Variants in ROS1 observed in about 807,000 individuals in gnomAD.
The protein encoded by ROS1 is ROS proto-oncogene 1, receptor tyrosine kinase, also known as proto-oncogene tyrosine-protein kinase ROS.
A neutral mutation model predicts 273.5 loss-of-function variants in ROS1; 263 were observed. The observed-to-expected ratio is 0.96, with a 90% CI of 0.87 to 1.06. The LOEUF is 1.06. Among genes scored for constraint, ROS1 ranks in the 50% least tolerant of loss-of-function variants. ROS1 has a pLI of 0.00. For missense variants in ROS1, 2,833 were observed against 2,751.1 expected (o/e 1.03, Z -0.67); for synonymous variants, 1,008 against 954.1 (o/e 1.06, Z -1.04).
rs1773517819 is a variant in ROS1 at position 117,287,390 on chromosome 6, T to C, written c.*1102A>G. The stretch of plus-strand genomic sequence containing the variant: ...AATCATTTATATTTAATTTTAAGCA[T>C]AATTTGATACAAAATGTAATCTTAA... On this transcript the variant is annotated 3_prime_UTR_variant, in exon 44 of 44. Coordinates refer to ENST00000368507, the MANE Select transcript of ROS1 (RefSeq NM_001378902.1). 6.6e-6 allele frequency among the ~76,000 whole-genome samples: 1 copy of C among 152,236 alleles called. No individual in the cohort carries two copies. Among genetic ancestry groups the C allele is most frequent in the African/African-American group, 2.4e-5 (1 of 41,466 alleles).
chr6:117,364,976 T>C (rs1780088629), intron 21 of ROS1, 84 bp downstream of exon 21: 1 of 1,359,170 alleles, frequency 7.4e-7, no homozygotes, highest in South Asian at 1.3e-5. Context: ...TGAAAGTTAT[T>C]TTTAAATATC....
chr6:117,380,951 A>T (rs1772079388), intron 17 of ROS1, among the ~76,000 whole-genome samples: 1 of 152,098 alleles, frequency 6.6e-6, no homozygotes, highest in Non-Finnish European at 1.5e-5. Flanking sequence ...ACTGTATTTC[A>T]TTATGTCGGC....
intron 22 of ROS1, among the ~76,000 whole-genome samples, chr6:117,361,486 T>C (rs564867534): frequency 1.2e-3 from 183 of 148,668 alleles, no homozygotes; most frequent in African/African-American, 4.4e-3. Flanking sequence ...CTCATACATA[T>C]CCATGCATAT....
intron 29 of ROS1, among the ~76,000 whole-genome samples, 175 bp from the exon 30 acceptor site, chr6:117,341,807 C>T (rs926619289): frequency 6.6e-6 from 1 of 152,170 alleles, no homozygotes; most frequent in African/African-American, 2.4e-5. Flanking sequence ...GCCTAAAAGG[C>T]TCCCACTTAT....
At chr6:117,330,064 T>C (rs957706144) in intron 32 of ROS1, among the ~76,000 whole-genome samples, 1 of 152,166 alleles carries the variant, frequency 6.6e-6, no homozygotes. Context: ...CCTAACACGC[T>C]AATCTCCCTG....
chr6:117,397,292 C>A (rs766380388), intron 7 of ROS1, among the ~76,000 whole-genome samples, 176 bp from the exon 8 acceptor site: 2 of 151,942 alleles, frequency 1.3e-5, no homozygotes, highest in Non-Finnish European at 2.9e-5. Context: ...AACCAGTTCG[C>A]TCCTTTCCCA....
At chr6:117,314,778 G>T (rs1365667658) in intron 39 of ROS1, among the ~76,000 whole-genome samples, 1 of 152,114 alleles carries the variant, frequency 6.6e-6, no homozygotes, top group East Asian at 1.9e-4. Context: ...TGGTTAAACT[G>T]GCATATGTCA....
At chr6:117,388,391 T>TA (rs996035914) in intron 13 of ROS1, among the ~76,000 whole-genome samples, 64 of 151,572 alleles carry the variant, frequency 4.2e-4, no homozygotes, top group African/African-American at 1.1e-3. Context: ...GCCCAATCAA[T>TA]AAAAAAAAAT....
intron 12 of ROS1, among the ~76,000 whole-genome samples, chr6:117,390,363 G>A (rs1772969554): frequency 6.6e-6 from 1 of 152,062 alleles, no homozygotes; most frequent in African/African-American, 2.4e-5. Context: ...CTGGGCTCAA[G>A]TGATCTGCAC....
intron 42 of ROS1, among the ~76,000 whole-genome samples, chr6:117,306,108 C>A (rs1775081057): frequency 6.8e-6 from 1 of 146,248 alleles, no homozygotes; most frequent in Non-Finnish European, 1.5e-5. Flanking sequence ...ATATTAAAGA[C>A]TTTGAATTCA....
chr6:117,309,099 G>C (rs547813760), intron 41 of ROS1, among the ~76,000 whole-genome samples, 171 bp from the exon 42 acceptor site: 1 of 152,262 alleles, frequency 6.6e-6, no homozygotes, highest in South Asian at 2.1e-4. Flanking sequence ...AGAAAAAGTA[G>C]AACAAGACAC....
intron 35 of ROS1, among the ~76,000 whole-genome samples, chr6:117,324,018 C>T (rs1208387304): frequency 6.6e-6 from 1 of 152,112 alleles, no homozygotes; most frequent in Non-Finnish European, 1.5e-5. Flanking sequence ...AGCCACAAAA[C>T]ATTTGTATGC....
chr6:117,362,024 G>A (rs183167572), intron 22 of ROS1, among the ~76,000 whole-genome samples: 76 of 152,144 alleles, frequency 5.0e-4, no homozygotes, highest in African/African-American at 1.8e-3. Context: ...CCAAATGTAT[G>A]TACAACTATA....
At position 117,397,055 on chromosome 6, in the gene ROS1, G is replaced by A. The variant is rs61729672; in HGVS notation, c.666C>T (p.Val222=). ...CTGGGAATTGAGGTGGATCCCAGCT[G>A]ACTTCCACAGTGTCGGGACTTGAGC... ...IESSSPDTVE[V]SWDPPQFPGG... The change falls in exon 8 of 44, where the codon GTC becomes GTT. Residue 222 remains valine, a synonymous_variant. Coordinates refer to ENST00000368507, the MANE Select transcript of ROS1 (RefSeq NM_001378902.1). The A allele has an allele frequency of 9.8e-4, 1,583 of 1,613,912 alleles. 8 individuals are homozygous for A. The African/African-American group carries it at 0.017, about 18-fold the overall frequency.
intron 42 of ROS1, among the ~76,000 whole-genome samples, chr6:117,307,201 C>G (rs3777955): frequency 2.0e-5 from 3 of 151,946 alleles, no homozygotes; most frequent in South Asian, 2.1e-4. Context: ...TTGTTATTAA[C>G]CCCCCTGCCC....
intron 43 of ROS1, among the ~76,000 whole-genome samples, chr6:117,300,446 T>TA (rs1482407348): frequency 6.6e-6 from 1 of 151,946 alleles, no homozygotes; most frequent in African/African-American, 2.4e-5. Context: ...ATTCATTCAT[T>TA]AAAAAAATAC....
intron 36 of ROS1, among the ~76,000 whole-genome samples, chr6:117,320,479 A>G (rs1776218403): frequency 6.6e-6 from 1 of 152,180 alleles, no homozygotes; most frequent in South Asian, 2.1e-4. Flanking sequence ...GACCAAAAAA[A>G]TCAACCCCAT....
In ROS1 at chr6:117,326,337, C is replaced by G. The variant is rs374557840; in HGVS notation, c.5426G>C (p.Cys1809Ser). The change falls in exon 34 of 44, where the codon TGC becomes TCC. Residue 1809 changes from cysteine (C) to serine (S), a missense_variant. Cys to Ser is a moderately radical substitution (Grantham distance 112). Coordinates refer to ENST00000368507, the MANE Select transcript of ROS1 (RefSeq NM_001378902.1). ...MTFNGSCSSV[C>S]TWKSKNLKGI... The stretch of plus-strand genomic sequence containing the variant: ...TTTCAGGTTTTTGGACTTCCATGTG[C>G]AAACACTACTGCAGGATCCATTAAA... 20 of 1,601,376 alleles carry G rather than the reference C, an allele frequency of 1.2e-5. No homozygotes were observed. Among genetic ancestry groups the G allele is most frequent in the Non-Finnish European group, 8.5e-7 (1 of 1,175,764 alleles).
intron 5 of ROS1, among the ~76,000 whole-genome samples, chr6:117,408,752 G>C (rs2128733344): frequency 6.6e-6 from 1 of 152,226 alleles, no homozygotes; most frequent in East Asian, 1.9e-4. Flanking sequence ...CTGCTATAAA[G>C]ACACATGCAC....
Sources: gnomAD v4.1 joint callset for allele counts (sites outside exome capture counted in the v4.1 genomes callset) on GRCh38, gnomAD v4.1.1 for gene constraint, MANE v1.5 for transcripts, NCBI Gene and HGNC (gene_info 2026-07-23, HGNC 2026-07-21) for gene names.